Variants in TYW1 observed in about 807,000 individuals in gnomAD.
TYW1 encodes tRNA-yW synthesizing protein 1 homolog, also known as S-adenosyl-L-methionine-dependent tRNA 4-demethylwyosine synthase TYW1.
A neutral mutation model predicts 96.2 loss-of-function variants in TYW1; 46 were observed. That is an observed-to-expected ratio of 0.48 (90% CI 0.38 to 0.61). The LOEUF (loss-of-function observed/expected upper bound fraction) is 0.61, where lower values mean the gene tolerates loss of function less well. Ranked by LOEUF, TYW1 falls within the 20% of genes least tolerant of loss-of-function variation. TYW1 has a pLI of 0.00. For synonymous variants in TYW1, 274 were observed against 323.0 expected (o/e 0.85, Z 1.63); for missense variants, 684 against 909.6 (o/e 0.75, Z 3.19).
intron 9 of TYW1, among the ~76,000 whole-genome samples, chr7:67,060,952 C>A (rs1795676315): frequency 6.6e-6 from 1 of 152,104 alleles, no homozygotes; most frequent in South Asian, 2.1e-4. Context: ...TTCAGCCGGG[C>A]ACCAGTTGTT....
chr7:67,142,410 A>AT (rs1563037102), intron 13 of TYW1, among the ~76,000 whole-genome samples: 1 of 150,894 alleles, frequency 6.6e-6, no homozygotes, highest in Non-Finnish European at 1.5e-5. Context: ...AGCCAGTGCT[A>AT]TTATTATTGT....
intron 14 of TYW1, among the ~76,000 whole-genome samples, chr7:67,190,709 C>T (rs762392750): frequency 6.6e-5 from 10 of 152,072 alleles, no homozygotes; most frequent in Non-Finnish European, 1.0e-4. Context: ...GTGAGAAGCT[C>T]GGGCTGGTTT....
intron 9 of TYW1, among the ~76,000 whole-genome samples, chr7:67,062,577 A>AAAAAAAAAAAAG (rs773963932): frequency 6.8e-6 from 1 of 147,118 alleles, no homozygotes. Context: ...AAAAAAAAAA[A>AAAAAAAAAAAAG]AAAAGAAAAG....
chr7:67,232,365 C>T (rs1013088490), intron 15 of TYW1, among the ~76,000 whole-genome samples: 8 of 151,862 alleles, frequency 5.3e-5, no homozygotes, highest in African/African-American at 1.9e-4. Context: ...CATGGTGCAA[C>T]CCCATCTCTT....
chr7:67,237,727 TAAGA>T (rs1020762531), intron 15 of TYW1, among the ~76,000 whole-genome samples: 6 of 152,212 alleles, frequency 3.9e-5, no homozygotes, highest in African/African-American at 1.4e-4. Flanking sequence ...GCAATTTTCT[TAAGA>T]GAGTACAAAT....
At chr7:67,009,416 C>G (rs576417566) in intron 3 of TYW1, among the ~76,000 whole-genome samples, 167 bp from the exon 4 acceptor site, 4 of 152,164 alleles carry the variant, frequency 2.6e-5, no homozygotes, top group African/African-American at 9.6e-5. Flanking sequence ...GTAATGGTGC[C>G]CAAGAAAATG....
Position 67,049,994 on chromosome 7 carries a change from A to T in TYW1, c.1030A>T (p.Met344Leu). The T allele has an allele frequency of 6.2e-7, 1 of 1,614,138 alleles. No individual in the cohort carries two copies. Among genetic ancestry groups the T allele is most frequent in the South Asian group, 1.1e-5 (1 of 91,086 alleles). Residue 344 changes from methionine to leucine, a missense_variant, in exon 8 of 16, where the codon ATG (methionine) becomes TTG (leucine). By Grantham distance (15) the Met-to-Leu change is conservative. Coordinates refer to ENST00000359626, the MANE Select transcript of TYW1 (RefSeq NM_018264.4). ...AGAGAAGTCTGGTTTGTTCAGGAAC[A>T]TGGGGAGGAATGAAGATGGTGAAAG... Reference protein sequence around the residue: ...QEEKSGLFRNMGRNEDGERRA... With the variant: ...QEEKSGLFRNLGRNEDGERRA...
At chr7:67,168,166 G>A (rs558921352) in intron 13 of TYW1, among the ~76,000 whole-genome samples, 7 of 148,012 alleles carry the variant, frequency 4.7e-5, no homozygotes, top group East Asian at 1.9e-4. Flanking sequence ...TTTTTTTTGC[G>A]TCTATTGAGA....
intron 15 of TYW1, among the ~76,000 whole-genome samples, chr7:67,211,828 A>G (rs928556547): frequency 7.9e-5 from 12 of 152,226 alleles, no homozygotes; most frequent in Non-Finnish European, 1.2e-4. Flanking sequence ...CTAGTCTTGC[A>G]GACTCCACCC....
intron 10 of TYW1, among the ~76,000 whole-genome samples, chr7:67,077,498 G>A (rs1026741080): frequency 6.6e-6 from 1 of 152,194 alleles, no homozygotes; most frequent in African/African-American, 2.4e-5. Flanking sequence ...GTGATGTTGA[G>A]CATTTAAAAA....
At chr7:67,041,402 C>A (rs562004005) in intron 7 of TYW1, among the ~76,000 whole-genome samples, 20 of 152,130 alleles carry the variant, frequency 1.3e-4, no homozygotes, top group African/African-American at 4.6e-4. Context: ...CTCCCGGGTT[C>A]ATGCAATTCT....
At position 67,239,113 on chromosome 7, in the gene TYW1, A is replaced by G. The variant is rs1801982782; in HGVS notation, c.*584A>G. On this transcript the variant is annotated 3_prime_UTR_variant, in exon 16 of 16. Coordinates refer to ENST00000359626, the MANE Select transcript of TYW1 (RefSeq NM_018264.4). ...TTGGTTTATTACCAACCCTTCCCAG[A>G]ATTGCGTTGGATCTAAAACTACTAG... 1 of 986,356 alleles carries G rather than the reference A, an allele frequency of 1.0e-6. No homozygotes were observed. The highest frequency in any genetic ancestry group is 1.7e-5 in the African/African-American group (1 of 57,228). 61.1% of individuals were successfully genotyped at this position (986,356 alleles called of 1,614,324 possible).
At chr7:67,158,340 G>A (rs763433253) in intron 13 of TYW1, among the ~76,000 whole-genome samples, 13 of 151,710 alleles carry the variant, frequency 8.6e-5, no homozygotes, top group African/African-American at 2.7e-4. Context: ...GCCCGCCTTC[G>A]GCCTCCCAAA....
intron 7 of TYW1, among the ~76,000 whole-genome samples, chr7:67,034,109 A>T (rs866391418): frequency 4.2e-5 from 6 of 141,244 alleles, no homozygotes; most frequent in South Asian, 2.2e-4. Flanking sequence ...TTTTTATTTT[A>T]TTTTTTTTTT....
chr7:67,120,839 C>CTCA (rs148504876), intron 13 of TYW1, among the ~76,000 whole-genome samples: 2,453 of 152,268 alleles, frequency 0.016, 28 homozygotes, highest in Middle Eastern at 0.044. Context: ...TTTGGGTTTG[C>CTCA]TCATGACAGT....
chr7:67,096,219 C>G (rs1796907343), intron 11 of TYW1, among the ~76,000 whole-genome samples: 1 of 152,126 alleles, frequency 6.6e-6, no homozygotes, highest in South Asian at 2.1e-4. Flanking sequence ...GAAACCACAT[C>G]TCTACTGAAA....
chr7:67,048,293 G>A (rs773805332), intron 7 of TYW1, among the ~76,000 whole-genome samples: 4 of 151,098 alleles, frequency 2.6e-5, no homozygotes, highest in Admixed American at 6.7e-5. Flanking sequence ...TGGTGTTACG[G>A]TGAGTCCATT....
At chr7:67,067,864 ATGT>A (rs1795913761) in intron 10 of TYW1, among the ~76,000 whole-genome samples, 1 of 152,012 alleles carries the variant, frequency 6.6e-6, no homozygotes. Context: ...CAAGCAGTGA[ATGT>A]TGTTTTTCAG....
At chr7:67,098,311 C>T (rs576742593) in intron 11 of TYW1, among the ~76,000 whole-genome samples, 3 of 152,296 alleles carry the variant, frequency 2.0e-5, no homozygotes, top group African/African-American at 7.2e-5. Context: ...GCTAGTTTTG[C>T]CTGTTTGTAT....
Sources: gnomAD v4.1 joint callset for allele counts (sites outside exome capture counted in the v4.1 genomes callset) on GRCh38, gnomAD v4.1.1 for gene constraint, MANE v1.5 for transcripts, NCBI Gene and HGNC (gene_info 2026-07-23, HGNC 2026-07-21) for gene names.